The following RAP1GDS1 variants were observed in gnomAD, a reference collection of about 807,000 sequenced individuals.
RAP1GDS1 encodes RAP1, GTP-GDP dissociation stimulator 1.
A neutral mutation model predicts 71.1 loss-of-function variants in RAP1GDS1; 35 were observed. The ratio of observed to expected loss-of-function variants is 0.49; its 90% CI spans 0.38 to 0.65. The LOEUF (loss-of-function observed/expected upper bound fraction) is 0.65, where lower values mean the gene tolerates loss of function less well. RAP1GDS1 is among the 30% of genes least tolerant of loss of function. The pLI is 0.00. For missense variants in RAP1GDS1, 663 were observed against 706.1 expected (o/e 0.94, Z 0.69); for synonymous variants, 229 against 243.1 (o/e 0.94, Z 0.54).
At chr4:98,291,914 G>A (rs1036007590) in intron 1 of RAP1GDS1, among the ~76,000 whole-genome samples, 4 of 152,080 alleles carry the variant, frequency 2.6e-5, no homozygotes, top group South Asian at 2.1e-4. Context: ...TTAAGGAACT[G>A]CCAGGTGTCC....
At chr4:98,269,581 G>A (rs1191438237) in intron 1 of RAP1GDS1, among the ~76,000 whole-genome samples, 2 of 152,122 alleles carry the variant, frequency 1.3e-5, no homozygotes, top group East Asian at 1.9e-4. Context: ...CCGATTAGGG[G>A]TTAACACGTA....
At chr4:98,376,814 C>G (rs2110478458) in intron 4 of RAP1GDS1, among the ~76,000 whole-genome samples, 1 of 151,862 alleles carries the variant, frequency 6.6e-6, no homozygotes, top group African/African-American at 2.4e-5. Flanking sequence ...AACACATGAG[C>G]AAAAAGCTGT....
intron 2 of RAP1GDS1, among the ~76,000 whole-genome samples, chr4:98,332,967 T>G (rs976340142): frequency 1.1e-4 from 17 of 152,188 alleles, no homozygotes; most frequent in African/African-American, 4.1e-4. Flanking sequence ...TTTGACAACA[T>G]GCTTAGACTT....
chr4:98,289,691 G>A (rs1162172262), intron 1 of RAP1GDS1, among the ~76,000 whole-genome samples: 2 of 151,494 alleles, frequency 1.3e-5, no homozygotes, highest in East Asian at 1.9e-4. Flanking sequence ...TACTTCATTA[G>A]AGAAGCTTTT....
At chr4:98,385,876 A>G (rs1205290093) in intron 5 of RAP1GDS1, among the ~76,000 whole-genome samples, 3 of 151,924 alleles carry the variant, frequency 2.0e-5, no homozygotes, top group African/African-American at 7.2e-5. Flanking sequence ...TGTTTGTAAG[A>G]TACACGTTGG....
chr4:98,274,174 A>G (rs969945405), intron 1 of RAP1GDS1, among the ~76,000 whole-genome samples: 2 of 152,172 alleles, frequency 1.3e-5, no homozygotes, highest in African/African-American at 4.8e-5. Context: ...TCAAATTTGC[A>G]GCAAATTTTA....
At chr4:98,394,986 T>C (rs1028486932) in intron 6 of RAP1GDS1, among the ~76,000 whole-genome samples, 1 of 152,142 alleles carries the variant, frequency 6.6e-6, no homozygotes, top group Non-Finnish European at 1.5e-5. Context: ...CCTTAACATA[T>C]TCAGTGTACT....
chr4:98,357,230 G>A (rs1216606923), intron 4 of RAP1GDS1, among the ~76,000 whole-genome samples: 4 of 151,858 alleles, frequency 2.6e-5, no homozygotes, highest in Admixed American at 6.6e-5. Context: ...GTTATATTAG[G>A]TATGTTATTA....
chr4:98,382,376 A>G (rs1206036527), intron 5 of RAP1GDS1, among the ~76,000 whole-genome samples: 2 of 151,610 alleles, frequency 1.3e-5, no homozygotes, highest in Non-Finnish European at 3.0e-5. Context: ...TGTTTTTCAC[A>G]TGGTGAAAAA....
At chr4:98,363,478 C>CAACAAAAAAAAA (rs1739046066) in intron 4 of RAP1GDS1, among the ~76,000 whole-genome samples, 1 of 37,734 alleles carries the variant, frequency 2.7e-5, no homozygotes, top group African/African-American at 9.9e-5. Context: ...GACCCTGTCT[C>CAACAAAAAAAAA]AAAAAAAAAA....
At position 98,324,353 on chromosome 4, in the gene RAP1GDS1, A is replaced by G. The variant is rs565730467; in HGVS notation, c.113-18786A>G. 2.6e-5 allele frequency among the ~76,000 whole-genome samples: 4 copies of G among 152,296 alleles called. No homozygotes were observed. The South Asian group carries it at 8.3e-4, about 32-fold the overall frequency. On this transcript the variant is annotated intron_variant, in intron 2 of 14. Transcript: ENST00000408927. The stretch of plus-strand genomic sequence containing the variant: ...GAAAATGGCCGTACTACCCAAGGTA[A>G]TTTACAGATTCAATGGCATCCCCAT...
chr4:98,280,230 G>A (rs1278947599), intron 1 of RAP1GDS1, among the ~76,000 whole-genome samples: 2 of 152,176 alleles, frequency 1.3e-5, no homozygotes, highest in Admixed American at 6.5e-5. Flanking sequence ...CACCAACAGT[G>A]TAAAAGCATT....
intron 1 of RAP1GDS1, among the ~76,000 whole-genome samples, chr4:98,286,257 C>T (rs1725989293): frequency 6.7e-6 from 1 of 149,608 alleles, no homozygotes; most frequent in Admixed American, 6.7e-5. Flanking sequence ...AGAGTGAGAC[C>T]CTGTCTCAAA....
intron 2 of RAP1GDS1, among the ~76,000 whole-genome samples, chr4:98,297,690 C>A (rs376786414): frequency 5.3e-5 from 8 of 152,272 alleles, no homozygotes; most frequent in African/African-American, 7.2e-5. Context: ...CATCTCTATT[C>A]CTCTCCTCAG....
chr4:98,442,362 A>G lies in RAP1GDS1; in HGVS notation c.*245A>G, dbSNP rs979576106. The G allele has an allele frequency of 1.2e-5, 5 of 408,332 alleles. No individual in the cohort carries two copies. Among genetic ancestry groups the G allele is most frequent in the Admixed American group, 4.0e-5 (1 of 25,002 alleles). 25.3% of individuals were successfully genotyped at this position (408,332 alleles called of 1,614,324 possible). A position where few individuals can be genotyped will look rare whatever the true frequency, so the allele number is the denominator to read the frequency against. On this transcript the variant is annotated 3_prime_UTR_variant, in exon 15 of 15. Transcript: ENST00000408927. ...CTCTTGTATTCCTGTTGCTTGAGCT[A>G]CATTAAGTAGAATGTGCATGTTGTA...
chr4:98,383,355 T>G (rs886578566), intron 5 of RAP1GDS1, among the ~76,000 whole-genome samples: 5 of 151,674 alleles, frequency 3.3e-5, no homozygotes, highest in Non-Finnish European at 7.4e-5. Context: ...TCTTCTAAAA[T>G]TATTAACATA....
intron 1 of RAP1GDS1, among the ~76,000 whole-genome samples, chr4:98,263,728 A>T (rs563750207): frequency 6.6e-6 from 1 of 152,204 alleles, no homozygotes. Context: ...ACTTAAAGCC[A>T]CCTATTATTT....
intron 13 of RAP1GDS1, among the ~76,000 whole-genome samples, chr4:98,436,150 A>C (rs1437384715): frequency 6.6e-6 from 1 of 151,876 alleles, no homozygotes; most frequent in Non-Finnish European, 1.5e-5. Flanking sequence ...TGTCCCATGG[A>C]TGTCTAATTG....
At chr4:98,318,645 C>G (rs1731302814) in intron 2 of RAP1GDS1, among the ~76,000 whole-genome samples, 1 of 152,106 alleles carries the variant, frequency 6.6e-6, no homozygotes, top group Non-Finnish European at 1.5e-5. Flanking sequence ...GGACAAAGAT[C>G]ATTTGCTTCA....
Sources: gnomAD v4.1 joint callset for allele counts (sites outside exome capture counted in the v4.1 genomes callset) on GRCh38, gnomAD v4.1.1 for gene constraint, MANE v1.5 for transcripts, NCBI Gene and HGNC (gene_info 2026-07-23, HGNC 2026-07-21) for gene names.